Variants in DENND1B observed in about 807,000 individuals in gnomAD.
DENND1B encodes the protein DENN domain-containing protein 1B.
A neutral mutation model predicts 90.1 loss-of-function variants in DENND1B; 59 were observed. The ratio of observed to expected loss-of-function variants is 0.65; its 90% confidence interval spans 0.53 to 0.81. DENND1B has a LOEUF of 0.81. DENND1B is among the 40% of genes least tolerant of loss of function. The pLI is 0.00. For synonymous variants in DENND1B, 337 were observed against 324.6 expected (o/e 1.04, Z -0.41); for missense variants, 862 against 912.6 (o/e 0.94, Z 0.71).
At chr1:197,569,428 A>G in intron 15 of DENND1B, among the ~76,000 whole-genome samples, 1 of 152,158 alleles carries the variant, frequency 6.6e-6, no homozygotes, top group East Asian at 1.9e-4. Flanking sequence ...CTAGGAATAT[A>G]TCCAAAGGAA....
At chr1:197,749,271 A>ATT (rs1653130229) in intron 2 of DENND1B, among the ~76,000 whole-genome samples, 2 of 152,152 alleles carry the variant, frequency 1.3e-5, no homozygotes, top group Non-Finnish European at 2.9e-5. Context: ...ATGTATGTAC[A>ATT]TATATATAAA....
intron 10 of DENND1B, among the ~76,000 whole-genome samples, chr1:197,633,640 C>G (rs1182300966): frequency 6.6e-6 from 1 of 152,120 alleles, no homozygotes; most frequent in Non-Finnish European, 1.5e-5. Flanking sequence ...CAGTGCCTGG[C>G]TCCTGCAGGT....
chr1:197,652,755 T>C lies in DENND1B; in HGVS notation c.367-440A>G, dbSNP rs114241965. On this transcript the variant is annotated intron_variant, in intron 6 of 22. Coordinates refer to ENST00000620048, the MANE Select transcript of DENND1B (RefSeq NM_001195215.2). ...ATAGAAACAATTTAAGTAAGATTAT[T>C]TCACTGAAGTGCAATGTAGAGGTTA... Among the ~76,000 whole-genome samples, 912 of 152,232 alleles carry C rather than the reference T, an allele frequency of 6.0e-3. 10 individuals are homozygous for C. Among genetic ancestry groups the C allele is most frequent in the African/African-American group, 0.021 (854 of 41,566 alleles).
intron 15 of DENND1B, among the ~76,000 whole-genome samples, chr1:197,579,858 T>G (rs1674039803): frequency 6.6e-6 from 1 of 152,172 alleles, no homozygotes; most frequent in Non-Finnish European, 1.5e-5. Flanking sequence ...GAAGTTTATT[T>G]GCTACCTTTT....
intron 2 of DENND1B, among the ~76,000 whole-genome samples, chr1:197,718,756 C>T (rs1660880339): frequency 6.6e-6 from 1 of 151,962 alleles, no homozygotes; most frequent in Non-Finnish European, 1.5e-5. Context: ...GAGTGAAGAA[C>T]CAATATGCAT....
intron 3 of DENND1B, among the ~76,000 whole-genome samples, chr1:197,696,092 G>T (rs1658407785): frequency 6.6e-6 from 1 of 150,978 alleles, no homozygotes; most frequent in Admixed American, 6.6e-5. Context: ...TGACCCATTA[G>T]TCATTATTAA....
At chr1:197,522,182 C>T (rs1668823975) in intron 20 of DENND1B, among the ~76,000 whole-genome samples, 1 of 151,986 alleles carries the variant, frequency 6.6e-6, no homozygotes, top group Admixed American at 6.6e-5. Context: ...GATGAAGAGA[C>T]AAGAGCTGAA....
intron 1 of DENND1B, 30 bp downstream of exon 1, chr1:197,775,108 GC>G: frequency 4.8e-6 from 6 of 1,249,666 alleles, no homozygotes; most frequent in Admixed American, 3.6e-5. Context: ...AGGGACGCCC[GC>G]CCCCGACGCG....
At chr1:197,777,166 C>T (rs1167972912), upstream of DENND1B, among the ~76,000 whole-genome samples, 1 of 151,970 alleles carries the variant, frequency 6.6e-6, no homozygotes, top group African/African-American at 2.4e-5. Context: ...CAAACTTCTC[C>T]TTTCATTATA....
chr1:197,683,949 A>G (rs1277206680), intron 3 of DENND1B, among the ~76,000 whole-genome samples: 5 of 152,192 alleles, frequency 3.3e-5, no homozygotes, highest in Non-Finnish European at 5.9e-5. Flanking sequence ...TATGTCTCCA[A>G]AGTTTTTGCG....
At chr1:197,536,182 GATGAGATGAC>G (rs1417818436) in intron 20 of DENND1B, among the ~76,000 whole-genome samples, 15 of 149,682 alleles carry the variant, frequency 1.0e-4, no homozygotes, top group South Asian at 4.3e-4. Context: ...GATGAGATGA[GATGAGATGAC>G]ATGAGATGAG....
At position 197,508,734 on chromosome 1, in the gene DENND1B, T is replaced by C. The variant is rs909795926; in HGVS notation, c.*1726A>G. 2.0e-5 allele frequency: 3 copies of C among 151,704 alleles called. No individual in the cohort carries two copies. Among genetic ancestry groups the C allele is most frequent in the Non-Finnish European group, 4.4e-5 (3 of 67,798 alleles). 9.4% of individuals were successfully genotyped at this position (151,704 alleles called of 1,614,324 possible). On this transcript the variant is annotated 3_prime_UTR_variant, in exon 23 of 23. Coordinates refer to ENST00000620048, the MANE Select transcript of DENND1B (RefSeq NM_001195215.2). The stretch of plus-strand genomic sequence containing the variant: ...AAAGAAATGTAAAAAAAATCATGAT[T>C]GGGGATGTATAAAGTGGATATACTG...
chr1:197,627,612 C>T (rs1158338250), intron 10 of DENND1B, among the ~76,000 whole-genome samples: 13 of 152,062 alleles, frequency 8.5e-5, no homozygotes, highest in Admixed American at 1.3e-4. Flanking sequence ...CCTTTGAAAA[C>T]GGGCACAAGA....
At chr1:197,609,192 A>G (rs1676963514) in intron 12 of DENND1B, among the ~76,000 whole-genome samples, 1 of 150,672 alleles carries the variant, frequency 6.6e-6, no homozygotes, top group African/African-American at 2.4e-5. Context: ...TAAGAAAATA[A>G]TATTAGACAT....
chr1:197,591,965 C>T (rs140343847), intron 14 of DENND1B, among the ~76,000 whole-genome samples: 2,591 of 151,762 alleles, frequency 0.017, 77 homozygotes, highest in African/African-American at 0.059. Flanking sequence ...AAAAATTAGG[C>T]GGGCATGGTG....
chr1:197,781,683 T>C, the DENND1B span, among the ~76,000 whole-genome samples: 1 of 152,200 alleles, frequency 6.6e-6, no homozygotes, highest in Admixed American at 6.5e-5. Flanking sequence ...CCTTTCTGAG[T>C]TGTTTCACAC....
rs894022602 is a variant in DENND1B at position 197,604,189 on chromosome 1, ATATGT to A, written c.921+2879_921+2883del. Among the ~76,000 whole-genome samples, 39 of 9,340 alleles carry A rather than the reference ATATGT, an allele frequency of 4.2e-3. No individual in the cohort carries two copies. In the South Asian group the frequency reaches 0.21, roughly 51 times the overall value. 6.1% of individuals were successfully genotyped at this position (9,340 alleles called of 152,430 possible). A position where few individuals can be genotyped will look rare whatever the true frequency, so the allele number is the denominator to read the frequency against. ...TATCATTAAAATCACTCCCAATAAA[ATATGT>A]TTTTTTTTCTTTTAATGATCCAAAT... On this transcript the variant is annotated intron_variant, in intron 13 of 22. Coordinates refer to ENST00000620048, the MANE Select transcript of DENND1B (RefSeq NM_001195215.2).
intron 3 of DENND1B, among the ~76,000 whole-genome samples, chr1:197,696,949 G>A (rs1485529566): frequency 7.3e-5 from 11 of 151,046 alleles, no homozygotes; most frequent in South Asian, 2.1e-4. Context: ...AAGAAGCTAC[G>A]GAAGTACAGA....
intron 15 of DENND1B, among the ~76,000 whole-genome samples, chr1:197,580,331 C>A (rs575111005): frequency 6.7e-6 from 1 of 150,012 alleles, no homozygotes; most frequent in Non-Finnish European, 1.5e-5. Flanking sequence ...ATCTCCTGAC[C>A]TCATGATCCA....
Sources: gnomAD v4.1 joint callset for allele counts (sites outside exome capture counted in the v4.1 genomes callset) on GRCh38, gnomAD v4.1.1 for gene constraint, MANE v1.5 for transcripts, NCBI Gene and HGNC (gene_info 2026-07-23, HGNC 2026-07-21) for gene names.